The following BRF2 variants were observed in gnomAD, a reference collection of about 807,000 sequenced individuals.
The protein encoded by BRF2 is transcription factor IIIB 50 kDa subunit.
BRF2 carries 17 observed loss-of-function variants against 26.6 expected under a neutral mutation model. That is an observed-to-expected ratio of 0.64 (90% CI 0.44 to 0.96). The LOEUF is 0.96. BRF2 is among the 40% of genes least tolerant of loss of function. BRF2 has a pLI of 0.00. For missense variants in BRF2, 515 were observed against 537.0 expected, an observed-to-expected ratio of 0.96 and a Z score of 0.40; for synonymous variants, 219 against 226.6, an observed-to-expected ratio of 0.97 and a Z score of 0.30.
chr8:37,844,528 CA>C lies in BRF2; in HGVS notation c.1221del (p.Ala408LeufsTer27). ...GGGACACTCGTGGCAGCCTGTCTAG[CA>C]GCCTGGGCTCTCTGAAAGTCCCTAA... Reference protein sequence around the residue: ...QEVRDFQRAQAARQAATSVPN... With the variant: ...QEVRDFQRAQXARQAATSVPN... On this transcript the variant is annotated frameshift_variant, in exon 4 of 4. Coordinates refer to ENST00000220659, the MANE Select transcript of BRF2 (RefSeq NM_018310.4). LOFTEE classifies it high-confidence loss of function. The C allele has an allele frequency of 6.2e-7, 1 of 1,613,682 alleles. No individual in the cohort carries two copies. Among genetic ancestry groups the C allele is most frequent in the Non-Finnish European group, 8.5e-7 (1 of 1,180,008 alleles).
chr8:37,844,174 CAGT>C lies in BRF2; in HGVS notation c.*313_*315del. 1 of 320,950 alleles carries C rather than the reference CAGT, an allele frequency of 3.1e-6. No individual in the cohort carries two copies. The highest frequency in any genetic ancestry group is 5.2e-5 in the South Asian group (1 of 19,190). 19.9% of individuals were successfully genotyped at this position (320,950 alleles called of 1,614,324 possible). A position where few individuals can be genotyped will look rare whatever the true frequency, so the allele number is the denominator to read the frequency against. On this transcript the variant is annotated 3_prime_UTR_variant, in exon 4 of 4. Coordinates refer to ENST00000220659, the MANE Select transcript of BRF2 (RefSeq NM_018310.4). ...CTCAGGCCTGCAGGAGGAGCCGCAG[CAGT>C]GTGTCCAATTCAAACCAGCAGCAAA...
At chr8:37,846,129 G>A (rs1292373573) in intron 3 of BRF2, among the ~76,000 whole-genome samples, 2 of 152,010 alleles carry the variant, frequency 1.3e-5, no homozygotes, top group African/African-American at 2.4e-5. Flanking sequence ...TGGGTAGAAC[G>A]CTTGAGTCCA....
At chr8:37,846,759 C>A in intron 3 of BRF2, 95 bp downstream of exon 3, 1 of 901,998 alleles carries the variant, frequency 1.1e-6, no homozygotes, top group Non-Finnish European at 1.7e-6. Flanking sequence ...AAGAGCAAGA[C>A]TCCAAGAAAA....
chr8:37,844,758 T>C lies in BRF2; in HGVS notation c.992A>G (p.Gln331Arg), dbSNP rs776175538. ...TCCCACCTCCCCTTCTCCTTGCCCC[T>C]GTCCCCACCCCGGTGGCTCCTTCTC... ...TREKEPPGWG[Q>R]GQGEGEVGNN... The change falls in exon 4 of 4, where the codon CAG becomes CGG. Residue 331 changes from glutamine (Q) to arginine (R), a missense_variant. By Grantham distance (43) the Gln-to-Arg change is conservative. Coordinates refer to ENST00000220659, the MANE Select transcript of BRF2 (RefSeq NM_018310.4). 2 of 1,613,918 alleles carry C rather than the reference T, an allele frequency of 1.2e-6. No homozygotes were observed. Among genetic ancestry groups the C allele is most frequent in the South Asian group, 1.1e-5 (1 of 91,032 alleles).
At chr8:37,848,677 A>G in intron 1 of BRF2, 22 bp from the exon 2 acceptor site, 1 of 1,604,994 alleles carries the variant, frequency 6.2e-7, no homozygotes, top group Non-Finnish European at 8.5e-7. Context: ...TAAACAACAA[A>G]TAGTGTGCTT....
rs1805918647 is a variant in BRF2, at chr8:37,844,726, AATTATTTC to A, written c.1016_1023del (p.Gly339ValfsTer41). 6.2e-7 allele frequency: 1 copy of A among 1,613,866 alleles called. No individual in the cohort carries two copies. Among genetic ancestry groups the A allele is most frequent in the Non-Finnish European group, 8.5e-7 (1 of 1,180,012 alleles). ...CGCTTCCCCTGGGGTAAACCTAAGG[AATTATTTC>A]CCACCTCCCCTTCTCCTTGCCCCTG... On this transcript the variant is annotated frameshift_variant, in exon 4 of 4. Transcript: ENST00000220659. LOFTEE classifies it low-confidence loss of function (END_TRUNC).
At chr8:37,845,770 C>T (rs1805945779) in intron 3 of BRF2, 1 of 649,474 alleles carries the variant, frequency 1.5e-6, no homozygotes, top group African/African-American at 1.8e-5. Context: ...CCACTGCACT[C>T]CAGGCTGGGT....
Position 37,849,844 on chromosome 8 carries a change from C to A in BRF2, c.-61G>T, listed in dbSNP as rs760243063. On this transcript the variant is annotated 5_prime_UTR_variant, in exon 1 of 4. Coordinates refer to ENST00000220659, the MANE Select transcript of BRF2 (RefSeq NM_018310.4). ...AGACTCCTGGGTCTGCAACAGCAAC[C>A]GTGAGGCAGCAAGAAGTAGGAGGGG... 6 of 1,496,892 alleles carry A rather than the reference C, an allele frequency of 4.0e-6. No individual in the cohort carries two copies. Among genetic ancestry groups the A allele is most frequent in the South Asian group, 1.2e-5 (1 of 81,802 alleles). 92.7% of individuals were successfully genotyped at this position (1,496,892 alleles called of 1,614,324 possible). A position where few individuals can be genotyped will look rare whatever the true frequency, so the allele number is the denominator to read the frequency against.
intron 1 of BRF2, among the ~76,000 whole-genome samples, chr8:37,849,140 T>C (rs916892436): frequency 6.6e-6 from 1 of 152,068 alleles, no homozygotes; most frequent in African/African-American, 2.4e-5. Context: ...CCAAGGCTGG[T>C]CTCGAGATCC....
At position 37,844,460 on chromosome 8, in the gene BRF2, ACAGGATGAAGTGCTCC is replaced by A. The variant is rs764744722; in HGVS notation, c.*14_*29del. ...ACAGGAATGTTATCAAGCTGTCAGAACAGGATGAAGTGCTCCCAGTGGATATCCATCAGGGAGGGTT... is the reference window on the plus strand; with the variant it reads ...ACAGGAATGTTATCAAGCTGTCAGAACAGTGGATATCCATCAGGGAGGGTT... On this transcript the variant is annotated 3_prime_UTR_variant, in exon 4 of 4. Coordinates refer to ENST00000220659, the MANE Select transcript of BRF2 (RefSeq NM_018310.4). The A allele has an allele frequency of 1.4e-5, 23 of 1,603,654 alleles. No individual in the cohort carries two copies. Among genetic ancestry groups the A allele is most frequent in the Middle Eastern group, 2.2e-4 (1 of 4,610 alleles).
chr8:37,845,428 TG>T (rs1221116397), intron 3 of BRF2, among the ~76,000 whole-genome samples: 1 of 151,846 alleles, frequency 6.6e-6, no homozygotes, highest in East Asian at 2.0e-4. Flanking sequence ...GAACATTTAT[TG>T]GGCGCCTCCC....
chr8:37,847,107 C>A lies in BRF2; in HGVS notation c.283G>T (p.Ala95Ser), dbSNP rs781395915. 6.2e-7 allele frequency: 1 copy of A among 1,614,252 alleles called. No homozygotes were observed. The highest frequency in any genetic ancestry group is 8.5e-7 in the Non-Finnish European group (1 of 1,180,046). Reference protein sequence around the residue: ...LPPTFEDTAVAYYQQAYRHSG... With the variant: ...LPPTFEDTAVSYYQQAYRHSG... ...TGCCGATATGCCTGTTGGTAGTAGGCAACCGCGGTATCCTCAAATGTTGGT... is the reference window on the plus strand; with the variant it reads ...TGCCGATATGCCTGTTGGTAGTAGGAAACCGCGGTATCCTCAAATGTTGGT... The change falls in exon 3 of 4, where the codon GCC becomes TCC. Residue 95 changes from alanine (A) to serine (S), a missense_variant. Physicochemically the swap from Ala to Ser is moderately conservative, Grantham distance 99. Transcript: ENST00000220659.
In BRF2 at chr8:37,844,979, G is replaced by A; in HGVS notation, c.771C>T (p.Asp257=). The change falls in exon 4 of 4, where the codon GAC becomes GAT. Residue 257 remains aspartate (D), a synonymous_variant. Transcript: ENST00000220659. The part of the protein sequence containing the change: ...LARFCKLANV[D]LPYPASSRLQ... ...GGCGGGAGGACGCCGGGTAGGGCAG[G>A]TCCACATTTGCCAATTTACAAAATC... is the stretch of plus-strand genomic sequence containing the variant. 6.2e-7 allele frequency: 1 copy of A among 1,614,002 alleles called. No individual in the cohort carries two copies.
intron 2 of BRF2, 25 bp from the exon 3 acceptor site, chr8:37,847,200 T>C (rs1485235989): frequency 1.2e-6 from 2 of 1,608,454 alleles, no homozygotes; most frequent in East Asian, 2.2e-5. Flanking sequence ...CGGCAAGAGT[T>C]AGAGGGGTCA....
At chr8:37,845,619 AAAAAG>A in intron 3 of BRF2, 3 of 674,606 alleles carry the variant, frequency 4.4e-6, no homozygotes, top group Non-Finnish European at 2.7e-6. Context: ...ATTTATCAGA[AAAAAG>A]AAAAGAACAT....
intron 3 of BRF2, 123 bp downstream of exon 3, chr8:37,846,731 C>T: frequency 1.4e-6 from 1 of 727,610 alleles, no homozygotes; most frequent in Non-Finnish European, 2.3e-6. Flanking sequence ...CGTGCCACTG[C>T]ACTCCAGCCT....
At position 37,849,805 on chromosome 8, in the gene BRF2, G is replaced by A. The variant is rs775410405; in HGVS notation, c.-22C>T. 8.8e-6 allele frequency: 14 copies of A among 1,590,858 alleles called. No individual in the cohort carries two copies. Among genetic ancestry groups the A allele is most frequent in the African/African-American group, 5.4e-5 (4 of 74,334 alleles). Reference sequence around the variant, plus strand: ...GCATCTCACAACCGGCCCCAAAGCCGCGGAAGCCTTCAGAGACTCCTGGGT... The same window carrying A: ...GCATCTCACAACCGGCCCCAAAGCCACGGAAGCCTTCAGAGACTCCTGGGT... On this transcript the variant is annotated 5_prime_UTR_variant, in exon 1 of 4. Transcript: ENST00000220659.
intron 2 of BRF2, among the ~76,000 whole-genome samples, chr8:37,847,866 C>T (rs1805990734): frequency 6.6e-6 from 1 of 151,916 alleles, no homozygotes; most frequent in South Asian, 2.1e-4. Context: ...CTCTACCTCA[C>T]ACCAGCAATG....
chr8:37,843,575 G>C lies in BRF2; in HGVS notation c.*915C>G, dbSNP rs1196019708. 1 of 152,170 alleles carries C rather than the reference G, an allele frequency of 6.6e-6. No individual in the cohort carries two copies. Among genetic ancestry groups the C allele is most frequent in the Non-Finnish European group, 1.5e-5 (1 of 68,046 alleles). 9.4% of individuals were successfully genotyped at this position (152,170 alleles called of 1,614,324 possible). A position where few individuals can be genotyped will look rare whatever the true frequency, so the allele number is the denominator to read the frequency against. ...GGAAACCGAGGGAACCCTGGGTCTT[G>C]GGAAGAACAACAGGAAACCAAGGTC... On this transcript the variant is annotated 3_prime_UTR_variant, in exon 4 of 4. Transcript: ENST00000220659.
Sources: allele counts gnomAD v4.1 joint callset (sites outside exome capture counted in the v4.1 genomes callset), GRCh38; gene constraint gnomAD v4.1.1; transcripts MANE v1.5; gene names NCBI Gene and HGNC (gene_info 2026-07-23, HGNC 2026-07-21).